BNC2: variants seen among roughly 807,000 people sequenced by gnomAD.
The protein encoded by BNC2 is basonuclin zinc finger protein 2, also known as zinc finger protein basonuclin-2.
A neutral mutation model predicts 76.3 loss-of-function variants in BNC2; 20 were observed. The observed-to-expected ratio is 0.26, with a 90% CI of 0.18 to 0.38. The LOEUF (loss-of-function observed/expected upper bound fraction) is 0.38. Ranked by LOEUF, BNC2 falls within the 10% of genes least tolerant of loss-of-function variation. BNC2 has a pLI of 1.00. For missense variants in BNC2, 1,382 were observed against 1,399.8 expected, an observed-to-expected ratio of 0.99 and a Z score of 0.20; for synonymous variants, 582 against 514.8, an observed-to-expected ratio of 1.13 and a Z score of -1.77.
intron 1 of BNC2, among the ~76,000 whole-genome samples, chr9:16,767,532 A>G (rs1349527219): frequency 8.8e-6 from 1 of 113,552 alleles, no homozygotes; most frequent in African/African-American, 2.8e-5. Context: ...ATGGCTTCAG[A>G]GTAGAGTCAG....
At position 16,419,579 on chromosome 9, in the gene BNC2, ACG is replaced by A; in HGVS notation, c.2708_2709del (p.Ser903PhefsTer6). On this transcript the variant is annotated frameshift_variant, in exon 7 of 7. Coordinates refer to ENST00000380672, the MANE Select transcript of BNC2 (RefSeq NM_017637.6). LOFTEE classifies it high-confidence loss of function. Reference protein sequence around the residue: ...TKELDDMGLDSSQPSLSKDLR... With the variant: ...TKELDDMGLDXSQPSLSKDLR... The stretch of plus-strand genomic sequence containing the variant: ...AGGTCCTTGCTAAGGGAGGGCTGCG[ACG>A]AGTCCAGGCCCATGTCATCGAGTTC... The A allele has an allele frequency of 6.3e-7, 1 of 1,593,016 alleles. No individual in the cohort carries two copies. The highest frequency in any genetic ancestry group is 8.6e-7 in the Non-Finnish European group (1 of 1,168,208).
chr9:16,555,843 T>C (rs917832242), intron 4 of BNC2, among the ~76,000 whole-genome samples: 4 of 152,022 alleles, frequency 2.6e-5, no homozygotes, highest in Middle Eastern at 3.4e-3. Context: ...CACATAAATA[T>C]AGAGCAAAGG....
intron 3 of BNC2, among the ~76,000 whole-genome samples, chr9:16,707,074 C>T (rs925440443): frequency 3.9e-5 from 6 of 152,028 alleles, no homozygotes; most frequent in African/African-American, 7.2e-5. Context: ...TGATGGTGGG[C>T]GCCTGTAGTC....
At chr9:16,736,237 GAAAA>G (rs1247994051) in intron 2 of BNC2, among the ~76,000 whole-genome samples, 1 of 148,508 alleles carries the variant, frequency 6.7e-6, no homozygotes, top group Non-Finnish European at 1.5e-5. Flanking sequence ...AGGAAAGAAA[GAAAA>G]AAGAAAACCA....
chr9:16,676,706 C>T (rs1297314479), intron 3 of BNC2, among the ~76,000 whole-genome samples: 1 of 152,112 alleles, frequency 6.6e-6, no homozygotes, highest in Non-Finnish European at 1.5e-5. Context: ...TAAGCAGATG[C>T]TAAGTTAACC....
At chr9:16,754,532 G>A (rs142797540) in intron 1 of BNC2, among the ~76,000 whole-genome samples, 1 of 151,154 alleles carries the variant, frequency 6.6e-6, no homozygotes, top group Admixed American at 6.6e-5. Flanking sequence ...CCAATTATAG[G>A]TTCAGTTATA....
At position 16,471,613 on chromosome 9, in the gene BNC2, C is replaced by A. The variant is rs201301187; in HGVS notation, c.670-34089G>T. On this transcript the variant is annotated intron_variant, in intron 5 of 6. Transcript: ENST00000380672. The stretch of plus-strand genomic sequence containing the variant: ...AGCTGCTTGCTTTTGATTTTACAGG[C>A]CTGTAGGCGGAAGGGACTTTAGCCT... Among the ~76,000 whole-genome samples the A allele has an allele frequency of 5.8e-4, 89 of 152,282 alleles. 1 individual carries two copies. The East Asian group carries it at 0.016, about 27-fold the overall frequency.
At chr9:16,579,908 T>A (rs867316995) in intron 4 of BNC2, 10 of 391,294 alleles carry the variant, frequency 2.6e-5, no homozygotes, top group Admixed American at 4.4e-5. Context: ...ATATTAAAAA[T>A]TTTTTTATTG....
At chr9:16,809,364 G>GA (rs938575551) in intron 1 of BNC2, among the ~76,000 whole-genome samples, 3 of 149,536 alleles carry the variant, frequency 2.0e-5, no homozygotes, top group Admixed American at 6.7e-5. Context: ...TTTTTTTATG[G>GA]AAAAAAAAAT....
At chr9:16,755,021 T>A (rs1330297) in intron 1 of BNC2, among the ~76,000 whole-genome samples, 2 of 152,106 alleles carry the variant, frequency 1.3e-5, no homozygotes, top group East Asian at 1.9e-4. Flanking sequence ...CTCCACATAT[T>A]GCCCACACTT....
intron 3 of BNC2, among the ~76,000 whole-genome samples, chr9:16,599,902 C>T (rs773652293): frequency 6.6e-6 from 1 of 152,170 alleles, no homozygotes; most frequent in Non-Finnish European, 1.5e-5. Context: ...CATACAAGCA[C>T]CATAGGACAA....
chr9:16,471,894 T>A (rs1443909340), intron 5 of BNC2, among the ~76,000 whole-genome samples: 2 of 152,134 alleles, frequency 1.3e-5, no homozygotes, highest in Admixed American at 1.3e-4. Flanking sequence ...GTCTTTGCCG[T>A]GCTATTCTTG....
Position 16,863,927 on chromosome 9 carries a change from GA to G in BNC2, c.3+6718del, listed in dbSNP as rs562481187. 5.9e-3 allele frequency among the ~76,000 whole-genome samples: 896 copies of G among 151,848 alleles called. 4 individuals carry two copies. Among genetic ancestry groups the G allele is most frequent in the Non-Finnish European group, 0.01 (697 of 67,884 alleles). On this transcript the variant is annotated intron_variant, in intron 1 of 6. Transcript: ENST00000380672. ...AAAACGGTTCTCCTAGTTTAAAAAA[GA>G]AAAAAAGACAAACTTTTGGGTAAAG...
intron 1 of BNC2, among the ~76,000 whole-genome samples, chr9:16,759,067 A>G (rs909793271): frequency 6.6e-6 from 1 of 152,226 alleles, no homozygotes; most frequent in Non-Finnish European, 1.5e-5. Flanking sequence ...AAAGTAGGTT[A>G]TAACACTTAA....
At chr9:16,579,711 A>G (rs1317045478) in intron 4 of BNC2, 2 of 162,932 alleles carry the variant, frequency 1.2e-5, no homozygotes, top group Non-Finnish European at 1.3e-5. Flanking sequence ...GTGTGTGTAC[A>G]TATACAGAGA....
rs142532479 is a variant in BNC2, at chr9:16,749,490, G to A, written c.4-11005C>T. Among the ~76,000 whole-genome samples, 813 of 152,122 alleles carry A rather than the reference G, an allele frequency of 5.3e-3. 3 individuals are homozygous for A. Among genetic ancestry groups the A allele is most frequent in the Admixed American group, 7.1e-3 (108 of 15,276 alleles). On this transcript the variant is annotated intron_variant, in intron 1 of 6. Transcript: ENST00000380672. ...GCGGGAAAGTCAACAGCTTGAGCCC[G>A]GTTGTTTGAGATCAGCCTGGGTAAC...
chr9:16,514,871 T>A (rs551457784), intron 5 of BNC2, among the ~76,000 whole-genome samples: 1 of 152,208 alleles, frequency 6.6e-6, no homozygotes, highest in Non-Finnish European at 1.5e-5. Context: ...TCATTGCTAA[T>A]GGCAATCACT....
intron 1 of BNC2, among the ~76,000 whole-genome samples, chr9:16,866,683 A>C (rs919105909): frequency 2.0e-5 from 3 of 149,802 alleles, no homozygotes; most frequent in Non-Finnish European, 3.0e-5. Flanking sequence ...AAAAAAAAAA[A>C]AACCATAATA....
At chr9:16,645,826 A>G (rs535406705) in intron 3 of BNC2, among the ~76,000 whole-genome samples, 120 of 152,320 alleles carry the variant, frequency 7.9e-4, no homozygotes, top group Admixed American at 3.5e-3. Flanking sequence ...TTCTGTCCTA[A>G]AGGTATCTAG....
Sources: gnomAD v4.1 joint callset for allele counts (sites outside exome capture counted in the v4.1 genomes callset) on GRCh38, gnomAD v4.1.1 for gene constraint, MANE v1.5 for transcripts, NCBI Gene and HGNC (gene_info 2026-07-23, HGNC 2026-07-21) for gene names.